The following FAR2 variants were observed in gnomAD, a reference collection of about 807,000 sequenced individuals.
FAR2 encodes epididymis secretory protein Li 81.
Under a neutral mutation model 56.0 loss-of-function variants are expected in FAR2, and 19 were observed. The ratio of observed to expected loss-of-function variants is 0.34; its 90% CI spans 0.24 to 0.50. The LOEUF is 0.50. Ranked by LOEUF, FAR2 falls within the 20% of genes least tolerant of loss-of-function variation. The pLI is 0.98. For synonymous variants in FAR2, 219 were observed against 218.8 expected, an observed-to-expected ratio of 1.00 and a Z score of -0.01; for missense variants, 508 against 642.2, an observed-to-expected ratio of 0.79 and a Z score of 2.26.
At chr12:29,329,043 T>A (rs1259807560) in intron 10 of FAR2, among the ~76,000 whole-genome samples, 6 of 152,122 alleles carry the variant, frequency 3.9e-5, no homozygotes, top group Non-Finnish European at 8.8e-5. Flanking sequence ...CCATGTCAAA[T>A]ACAATAAATA....
intron 3 of FAR2, 46 bp downstream of exon 3, chr12:29,293,521 T>C (rs780403619): frequency 3.8e-6 from 5 of 1,314,120 alleles, no homozygotes; most frequent in South Asian, 2.7e-5. Flanking sequence ...TATGTGTGCA[T>C]GTAAATTTCT....
intron 2 of FAR2, among the ~76,000 whole-genome samples, chr12:29,279,141 G>C (rs1038457706): frequency 6.6e-6 from 1 of 152,182 alleles, no homozygotes; most frequent in African/African-American, 2.4e-5. Flanking sequence ...TCCAAGAATC[G>C]TTGAGAATTC....
At chr12:29,193,454 T>C (rs900805159) in intron 1 of FAR2, among the ~76,000 whole-genome samples, 9 of 152,210 alleles carry the variant, frequency 5.9e-5, no homozygotes, top group African/African-American at 2.2e-4. Context: ...ACTGCCTCGA[T>C]AGTTCTGCCT....
intron 1 of FAR2, among the ~76,000 whole-genome samples, chr12:29,204,878 A>G (rs781040016): frequency 1.3e-5 from 2 of 152,156 alleles, no homozygotes; most frequent in Non-Finnish European, 2.9e-5. Flanking sequence ...GTGCTAACCC[A>G]TTCATGAGAA....
At chr12:29,302,559 AG>A (rs1949193278) in intron 4 of FAR2, among the ~76,000 whole-genome samples, 1 of 151,768 alleles carries the variant, frequency 6.6e-6, no homozygotes, top group African/African-American at 2.4e-5. Flanking sequence ...ATCAAGCTGG[AG>A]GGGAGGATGG....
At chr12:29,305,139 A>G (rs1211487234) in intron 4 of FAR2, among the ~76,000 whole-genome samples, 1 of 137,028 alleles carries the variant, frequency 7.3e-6, no homozygotes, top group East Asian at 2.2e-4. Flanking sequence ...TTTTATTTTT[A>G]TTTATTTTAT....
At position 29,170,774 on chromosome 12, in the gene FAR2, CT is replaced by C. The variant is rs1471439859; in HGVS notation, c.-39+21370del. On this transcript the variant is annotated intron_variant, in intron 1 of 11. Transcript: ENST00000536681. ...CCTCTCTCTCTCTCTCTCTCTCTGACTTTCTCTTTCTCTCTTTCCTTTCTGC... is the reference window on the plus strand; with the variant it reads ...CCTCTCTCTCTCTCTCTCTCTCTGACTTCTCTTTCTCTCTTTCCTTTCTGC... Among the ~76,000 whole-genome samples, 8 of 149,856 alleles carry C rather than the reference CT, an allele frequency of 5.3e-5. No individual in the cohort carries two copies. The East Asian group carries it at 1.4e-3, about 26-fold the overall frequency.
chr12:29,308,734 GTA>G (rs1949298853), intron 5 of FAR2, among the ~76,000 whole-genome samples: 1 of 110,068 alleles, frequency 9.1e-6, no homozygotes, highest in African/African-American at 4.4e-5. Flanking sequence ...ATATATATAT[GTA>G]TATATATCTG....
intron 1 of FAR2, among the ~76,000 whole-genome samples, chr12:29,191,483 G>A (rs932506777): frequency 2.0e-5 from 3 of 152,228 alleles, no homozygotes; most frequent in Non-Finnish European, 2.9e-5. Flanking sequence ...CCGGTTAGAC[G>A]AGCTTTCAGT....
chr12:29,311,782 G>T, intron 7 of FAR2, 101 bp from the exon 8 acceptor site: 1 of 818,922 alleles, frequency 1.2e-6, no homozygotes, highest in Non-Finnish European at 1.9e-6. Context: ...TTAATCAGAT[G>T]AATTACTGAA....
At chr12:29,190,063 G>A (rs1175449943) in intron 1 of FAR2, among the ~76,000 whole-genome samples, 7 of 152,172 alleles carry the variant, frequency 4.6e-5, no homozygotes, top group African/African-American at 1.7e-4. Context: ...GATGCCATTT[G>A]CTGAGGTGGG....
intron 1 of FAR2, among the ~76,000 whole-genome samples, chr12:29,152,535 G>T (rs2136569895): frequency 6.6e-6 from 1 of 152,324 alleles, no homozygotes; most frequent in Admixed American, 6.5e-5. Flanking sequence ...ATAAAATAGT[G>T]TGAAAGGGAA....
At chr12:29,308,048 G>C (rs1283197054) in intron 5 of FAR2, 5 of 463,096 alleles carry the variant, frequency 1.1e-5, no homozygotes, top group Non-Finnish European at 1.9e-5. Flanking sequence ...GACTGCCCTA[G>C]AGTTGGACGG....
At chr12:29,312,486 G>T (rs1949370045) in intron 8 of FAR2, among the ~76,000 whole-genome samples, 1 of 152,064 alleles carries the variant, frequency 6.6e-6, no homozygotes, top group South Asian at 2.1e-4. Flanking sequence ...AAGCACTATG[G>T]GAGAAATAAA....
chr12:29,277,213 T>C (rs11050170), intron 2 of FAR2, among the ~76,000 whole-genome samples: 45,719 of 151,992 alleles, frequency 0.3, 6,995 homozygotes, highest in East Asian at 0.35. Flanking sequence ...CCTGACCTCG[T>C]GATCCACCCA....
chr12:29,235,949 G>A (rs1771400888), intron 1 of FAR2, among the ~76,000 whole-genome samples: 1 of 152,112 alleles, frequency 6.6e-6, no homozygotes, highest in African/African-American at 2.4e-5. Context: ...GTACAAACAG[G>A]TACAAGGAAT....
chr12:29,150,433 G>A (rs1456277256), intron 1 of FAR2, among the ~76,000 whole-genome samples: 2 of 152,184 alleles, frequency 1.3e-5, no homozygotes, highest in Admixed American at 6.5e-5. Flanking sequence ...CAGGTAGATC[G>A]TGCTTTTCTG....
intron 1 of FAR2, among the ~76,000 whole-genome samples, chr12:29,213,954 G>A (rs1400657333): frequency 1.3e-5 from 2 of 152,112 alleles, no homozygotes; most frequent in Non-Finnish European, 2.9e-5. Context: ...ACACCAGAGA[G>A]CTTTGGATTA....
At chr12:29,241,820 A>G (rs1948041277) in intron 1 of FAR2, among the ~76,000 whole-genome samples, 1 of 152,184 alleles carries the variant, frequency 6.6e-6, no homozygotes, top group African/African-American at 2.4e-5. Context: ...AGGCAGGAGC[A>G]CCTCAGATGC....
Sources: allele counts gnomAD v4.1 joint callset (sites outside exome capture counted in the v4.1 genomes callset), GRCh38; gene constraint gnomAD v4.1.1; transcripts MANE v1.5; gene names NCBI Gene and HGNC (gene_info 2026-07-23, HGNC 2026-07-21).